Variants in CYP19A1 observed in about 807,000 individuals in gnomAD.
The protein encoded by CYP19A1 is cytochrome P450 family 19 subfamily A member 1.
CYP19A1 carries 32 observed loss-of-function variants against 44.4 expected under a neutral mutation model. The observed-to-expected ratio is 0.72, with a 90% CI of 0.54 to 0.97. CYP19A1 has a LOEUF of 0.97. Among genes scored for constraint, CYP19A1 ranks in the 50% least tolerant of loss-of-function variants. The pLI, the probability that CYP19A1 is intolerant of heterozygous loss-of-function variation, is 0.00. For missense variants in CYP19A1, 598 were observed against 637.8 expected (o/e 0.94, Z 0.67); for synonymous variants, 212 against 215.6 (o/e 0.98, Z 0.14).
chr15:51,242,351 G>A (rs1005274791), intron 2 of CYP19A1: 4 of 271,724 alleles, frequency 1.5e-5, no homozygotes, highest in Non-Finnish European at 2.1e-5. Flanking sequence ...GGGGCATGGC[G>A]GAAACAAAGT....
In CYP19A1 at chr15:51,246,149, C is replaced by T. The variant is rs539360665; in HGVS notation, c.-38-3199G>A. ...TTCAGTGGAACATTCTAATGGGCCA[C>T]GTGGGTAGGTTAAACAGAAGCCTTC... On this transcript the variant is annotated intron_variant, in intron 1 of 9. Coordinates refer to ENST00000396402, the MANE Select transcript of CYP19A1 (RefSeq NM_000103.4). 1.9e-4 allele frequency among the ~76,000 whole-genome samples: 29 copies of T among 152,260 alleles called. 2 individuals are homozygous for T. The highest frequency in any genetic ancestry group is 5.8e-4 in the African/African-American group (24 of 41,542).
chr15:51,291,027 G>C lies in CYP19A1; in HGVS notation c.-39+47468C>G, dbSNP rs1047102575. Among the ~76,000 whole-genome samples the C allele has an allele frequency of 2.6e-5, 4 of 152,308 alleles. No individual in the cohort carries two copies. The East Asian group carries it at 7.7e-4, about 29-fold the overall frequency. On this transcript the variant is annotated intron_variant, in intron 1 of 9. Transcript: ENST00000396402. ...TTTGGGATAGACACGGGCTACCCTG[G>C]TTACCCCATCCCATTGGATTCTGTC...
At chr15:51,290,710 C>T (rs530026002) in intron 1 of CYP19A1, among the ~76,000 whole-genome samples, 2 of 152,236 alleles carry the variant, frequency 1.3e-5, no homozygotes, top group Non-Finnish European at 2.9e-5. Flanking sequence ...TCAGAATTAA[C>T]GTAGAAGCCC....
intron 1 of CYP19A1, among the ~76,000 whole-genome samples, chr15:51,287,902 T>C (rs953631091): frequency 2.0e-5 from 3 of 152,086 alleles, no homozygotes; most frequent in Non-Finnish European, 4.4e-5. Context: ...AGTGGAAAAA[T>C]CAATGGGTAA....
chr15:51,324,897 G>T (rs115513651), intron 1 of CYP19A1, among the ~76,000 whole-genome samples: 1 of 152,152 alleles, frequency 6.6e-6, no homozygotes, highest in African/African-American at 2.4e-5. Flanking sequence ...AAATTCTGGG[G>T]TGTGTTACAA....
chr15:51,315,548 C>T (rs777182091), intron 1 of CYP19A1, among the ~76,000 whole-genome samples: 3 of 152,116 alleles, frequency 2.0e-5, no homozygotes, highest in Non-Finnish European at 4.4e-5. Context: ...TGTTGTATAC[C>T]CAGTTATATG....
At chr15:51,263,634 G>A (rs961661656) in intron 1 of CYP19A1, among the ~76,000 whole-genome samples, 1 of 152,330 alleles carries the variant, frequency 6.6e-6, no homozygotes, top group Non-Finnish European at 1.5e-5. Context: ...CCTGACCAGG[G>A]AGGAAGGCAT....
At chr15:51,262,208 C>T (rs1458927257) in intron 1 of CYP19A1, among the ~76,000 whole-genome samples, 2 of 152,200 alleles carry the variant, frequency 1.3e-5, no homozygotes, top group African/African-American at 4.8e-5. Flanking sequence ...AGCCAGAGCC[C>T]ATCCCTTTGT....
chr15:51,225,530 A>G (rs1278439238), intron 4 of CYP19A1, among the ~76,000 whole-genome samples: 2 of 152,228 alleles, frequency 1.3e-5, no homozygotes, highest in African/African-American at 4.8e-5. Flanking sequence ...AAGGTCAGAT[A>G]GGTAGCAAGT....
chr15:51,233,938 G>A (rs1285151500), intron 3 of CYP19A1, among the ~76,000 whole-genome samples: 1 of 152,130 alleles, frequency 6.6e-6, no homozygotes, highest in African/African-American at 2.4e-5. Flanking sequence ...AGTGGCACAC[G>A]CGGCATCTCA....
intron 1 of CYP19A1, chr15:51,280,092 G>C (rs141942137): frequency 6.7e-6 from 1 of 150,280 alleles, no homozygotes; most frequent in African/African-American, 2.5e-5. Context: ...TTTGGACTTA[G>C]ATCTAAAACT....
chr15:51,269,429 G>C (rs28691771), intron 1 of CYP19A1, among the ~76,000 whole-genome samples: 4 of 151,822 alleles, frequency 2.6e-5, no homozygotes, highest in African/African-American at 9.7e-5. Flanking sequence ...AGCTATAGTA[G>C]GTCTTGAAAT....
intron 1 of CYP19A1, among the ~76,000 whole-genome samples, chr15:51,269,355 T>C (rs2035042530): frequency 6.6e-6 from 1 of 152,208 alleles, no homozygotes. Context: ...TTCTGGATTT[T>C]CTGTTCTGTT....
intron 1 of CYP19A1, among the ~76,000 whole-genome samples, chr15:51,299,687 TG>T (rs1318026413): frequency 6.6e-5 from 10 of 152,244 alleles, no homozygotes; most frequent in Admixed American, 6.5e-4. Flanking sequence ...AGGAATTTAA[TG>T]GCAGCTGAAA....
At chr15:51,294,366 C>T (rs2035927286) in intron 1 of CYP19A1, among the ~76,000 whole-genome samples, 1 of 150,848 alleles carries the variant, frequency 6.6e-6, no homozygotes, top group Non-Finnish European at 1.5e-5. Context: ...CCGGCCGCGA[C>T]CCCATCTGGG....
chr15:51,246,274 C>T (rs560223224), intron 1 of CYP19A1, among the ~76,000 whole-genome samples: 1 of 152,196 alleles, frequency 6.6e-6, no homozygotes, highest in Non-Finnish European at 1.5e-5. Flanking sequence ...CCCAAACACA[C>T]ATGTACATGC....
rs562979739 is a variant in CYP19A1, at chr15:51,226,501, G to A, written c.451+1278C>T. On this transcript the variant is annotated intron_variant, in intron 4 of 9. Coordinates refer to ENST00000396402, the MANE Select transcript of CYP19A1 (RefSeq NM_000103.4). Reference sequence around the variant, plus strand: ...AGCAAGAGTTGTGCTGAGTCCTGGTGAGGGAGGGCAGCTCTGAAGGCTGGG... The same window carrying A: ...AGCAAGAGTTGTGCTGAGTCCTGGTAAGGGAGGGCAGCTCTGAAGGCTGGG... 3.3e-5 allele frequency among the ~76,000 whole-genome samples: 5 copies of A among 152,362 alleles called. No homozygotes were observed. The South Asian group carries it at 8.3e-4, about 25-fold the overall frequency.
intron 9 of CYP19A1, chr15:51,211,720 C>T (rs147697903): frequency 5.2e-5 from 22 of 424,812 alleles, no homozygotes; most frequent in Non-Finnish European, 8.9e-5. Flanking sequence ...GAACTGCGTA[C>T]GTAATTCAGA....
At chr15:51,293,713 C>G (rs539615927) in intron 1 of CYP19A1, 1 of 159,214 alleles carries the variant, frequency 6.3e-6, no homozygotes, top group African/African-American at 2.4e-5. Context: ...CGCGCCGCCA[C>G]GCCTGACTGT....
Sources: allele counts gnomAD v4.1 joint callset (sites outside exome capture counted in the v4.1 genomes callset), GRCh38; gene constraint gnomAD v4.1.1; transcripts MANE v1.5; gene names NCBI Gene and HGNC (gene_info 2026-07-23, HGNC 2026-07-21).